Variants in DHX9 observed in about 807,000 individuals in gnomAD.
The protein encoded by DHX9 is ATP-dependent RNA helicase A.
In DHX9, 27 loss-of-function variants were observed where a neutral mutation model predicts 148.7. The ratio of observed to expected loss-of-function variants is 0.18; its 90% CI spans 0.13 to 0.25. The LOEUF is 0.25. DHX9 is among the 10% of genes least tolerant of loss of function. DHX9 has a pLI of 1.00. For synonymous variants in DHX9, 529 were observed against 516.6 expected (o/e 1.02, Z -0.33); for missense variants, 796 against 1,559.6 (o/e 0.51, Z 8.25).
intron 3 of DHX9, among the ~76,000 whole-genome samples, chr1:182,845,443 C>A (rs1442456691): frequency 1.5e-4 from 22 of 142,456 alleles, no homozygotes; most frequent in African/African-American, 4.9e-4. Context: ...AAAAAAAAAA[C>A]AATTTTCCTC....
At chr1:182,871,824 G>A (rs756597709) in intron 14 of DHX9, among the ~76,000 whole-genome samples, 22 of 152,126 alleles carry the variant, frequency 1.4e-4, no homozygotes, top group Non-Finnish European at 2.4e-4. Flanking sequence ...CGGCCGAGGC[G>A]GGTGGATCAC....
chr1:182,866,036 G>A (rs758340981), intron 12 of DHX9, among the ~76,000 whole-genome samples: 5 of 152,212 alleles, frequency 3.3e-5, no homozygotes, highest in Non-Finnish European at 5.9e-5. Flanking sequence ...TAATAAGTGA[G>A]CAGAAAGGTG....
intron 14 of DHX9, among the ~76,000 whole-genome samples, chr1:182,870,148 G>C (rs1238495784): frequency 6.6e-6 from 1 of 152,154 alleles, no homozygotes; most frequent in East Asian, 1.9e-4. Flanking sequence ...AAACATGCAA[G>C]ATCTCTCCAA....
chr1:182,869,719 C>T (rs1483513009), intron 14 of DHX9, among the ~76,000 whole-genome samples: 1 of 152,236 alleles, frequency 6.6e-6, no homozygotes, highest in Non-Finnish European at 1.5e-5. Context: ...AGGCGATTCT[C>T]CTACGAGTAG....
At chr1:182,840,299 CTTTT>C (rs572795237) in intron 1 of DHX9, among the ~76,000 whole-genome samples, 4 of 105,548 alleles carry the variant, frequency 3.8e-5, no homozygotes, top group Admixed American at 1.0e-4. Flanking sequence ...ATTCTTGCGC[CTTTT>C]TTTTTTTTTT....
In DHX9 at chr1:182,848,112, A is replaced by G. The variant is rs115067856; in HGVS notation, c.253-4121A>G. ...TAAGCCCTCATCTTTCTGCCTCAAA[A>G]CTTCTATACCTGAAGGACTCTTCCC... On this transcript the variant is annotated intron_variant, in intron 3 of 27. Coordinates refer to ENST00000367549, the MANE Select transcript of DHX9 (RefSeq NM_001357.5). 5.2e-3 allele frequency among the ~76,000 whole-genome samples: 794 copies of G among 152,186 alleles called. 3 individuals carry two copies. Among genetic ancestry groups the G allele is most frequent in the African/African-American group, 0.017 (726 of 41,494 alleles).
intron 1 of DHX9, 172 bp downstream of exon 1, chr1:182,839,628 C>T (rs2102582746): frequency 6.6e-6 from 1 of 152,338 alleles, no homozygotes; most frequent in Non-Finnish European, 1.5e-5. Context: ...GCGTGCGCGC[C>T]TCGCCGCGAT....
chr1:182,855,694 T>A (rs1465071708), intron 6 of DHX9: 2 of 985,300 alleles, frequency 2.0e-6, no homozygotes, highest in East Asian at 1.1e-4. Flanking sequence ...CTTTGACCCC[T>A]GAAGCCGCTG....
intron 7 of DHX9, 112 bp from the exon 8 acceptor site, chr1:182,857,992 T>C: frequency 9.3e-7 from 1 of 1,076,844 alleles, no homozygotes; most frequent in Non-Finnish European, 1.3e-6. Context: ...AGCCATGGCA[T>C]ACCCTGTATT....
Position 182,887,204 on chromosome 1 carries a change from G to A in DHX9, c.3583G>A (p.Gly1195Ser), listed in dbSNP as rs1343906435. 6.2e-7 allele frequency: 1 copy of A among 1,607,866 alleles called. No homozygotes were observed. The highest frequency in any genetic ancestry group is 1.1e-5 in the South Asian group (1 of 91,064). ...YGGGYSSGGY[G>S]SGGYGGSANS... ...CGGTGGCTATAGCAGTGGAGGCTATGGTAGCGGAGGCTATGGTGGCAGCGC... is the reference window on the plus strand; with the variant it reads ...CGGTGGCTATAGCAGTGGAGGCTATAGTAGCGGAGGCTATGGTGGCAGCGC... The change falls in exon 28 of 28, where the codon GGT becomes AGT. Residue 1195 changes from glycine (G) to serine (S), a missense_variant. Around this residue, in one of 14 missense-constraint regions of DHX9, gnomAD observed 98 missense variants for 105.5 expected, o/e 0.93. Coordinates refer to ENST00000367549, the MANE Select transcript of DHX9 (RefSeq NM_001357.5).
At chr1:182,859,709 T>C (rs1461032150) in intron 11 of DHX9, among the ~76,000 whole-genome samples, 1 of 152,064 alleles carries the variant, frequency 6.6e-6, no homozygotes, top group Non-Finnish European at 1.5e-5. Flanking sequence ...GCCTCCTTGG[T>C]TCAAGCAATT....
chr1:182,853,570 G>A, intron 5 of DHX9, 152 bp downstream of exon 5: 1 of 564,212 alleles, frequency 1.8e-6, no homozygotes, highest in Non-Finnish European at 3.1e-6. Context: ...TCATCATAAA[G>A]CTAAACTACC....
chr1:182,876,521 G>A lies in DHX9; in HGVS notation c.2104G>A (p.Val702Ile), dbSNP rs1337561614. Residue 702 changes from valine to isoleucine, a missense_variant, in exon 18 of 28, where the codon GTA becomes ATA. Coordinates refer to ENST00000367549, the MANE Select transcript of DHX9 (RefSeq NM_001357.5). ...REEQRKVFDPVPVGVTKVILS... is the reference protein window; with the variant it reads ...REEQRKVFDPIPVGVTKVILS... ...GGAACAGCGCAAAGTGTTTGATCCA[G>A]TACCAGTTGGAGTAACCAAGGTAAA... The A allele has an allele frequency of 6.2e-7, 1 of 1,612,158 alleles. No homozygotes were observed. Among genetic ancestry groups the A allele is most frequent in the Admixed American group, 1.7e-5 (1 of 60,010 alleles).
At chr1:182,874,142 C>T (rs1437844327) in intron 15 of DHX9, among the ~76,000 whole-genome samples, 2 of 152,086 alleles carry the variant, frequency 1.3e-5, no homozygotes, top group Non-Finnish European at 2.9e-5. Context: ...ATTTTTCAAA[C>T]AAGTGGGCCT....
At chr1:182,873,999 A>G (rs78947916) in intron 15 of DHX9, among the ~76,000 whole-genome samples, 3,303 of 152,336 alleles carry the variant, frequency 0.022, 51 homozygotes, top group Non-Finnish European at 0.032. Context: ...AAAAAATAAC[A>G]TGGTATTAGA....
intron 15 of DHX9, among the ~76,000 whole-genome samples, chr1:182,873,761 C>A (rs1648650606): frequency 6.6e-6 from 1 of 152,120 alleles, no homozygotes; most frequent in African/African-American, 2.4e-5. Flanking sequence ...TAGGGATATG[C>A]CCCACATTCA....
At chr1:182,866,761 G>A (rs986459729) in intron 13 of DHX9, among the ~76,000 whole-genome samples, 176 bp downstream of exon 13, 3 of 152,082 alleles carry the variant, frequency 2.0e-5, no homozygotes, top group African/African-American at 7.2e-5. Context: ...ATTAGATCTT[G>A]TAGCTTAGAG....
rs759671190 is a variant in DHX9 at position 182,853,322 on chromosome 1, A to C, written c.381A>C (p.Val127=). 6.2e-7 allele frequency: 1 copy of C among 1,612,860 alleles called. No individual in the cohort carries two copies. Among genetic ancestry groups the C allele is most frequent in the South Asian group, 1.1e-5 (1 of 90,944 alleles). ...TTTTAACAGAAAATAATTCTGAGGT[A>C]GGGGCCTCTGGCTATGGTGTTCCTG... ...LALKAENNSE[V]GASGYGVPGP... is the part of the protein sequence containing the mutation. Residue 127 remains valine (V), a synonymous_variant, in exon 5 of 28, where the codon GTA becomes GTC. Transcript: ENST00000367549.
Position 182,883,610 on chromosome 1 carries a change from G to C in DHX9, c.3235G>C (p.Gly1079Arg). Residue 1079 changes from glycine (G) to arginine (R), a missense_variant, in exon 26 of 28, where the codon GGG (glycine) becomes CGG (arginine). Gly to Arg is a moderately radical substitution (Grantham distance 125, BLOSUM62 -2). Coordinates refer to ENST00000367549, the MANE Select transcript of DHX9 (RefSeq NM_001357.5). ...LFASKKVQSD[G>R]QIVLVDDWIK... ...TGCCTCCAAGAAAGTCCAATCTGAT[G>C]GGCAGATTGTGCTTGTAGATGACTG... is the stretch of plus-strand genomic sequence containing the variant. The C allele has an allele frequency of 6.2e-7, 1 of 1,613,368 alleles. No homozygotes were observed. Among genetic ancestry groups the C allele is most frequent in the Non-Finnish European group, 8.5e-7 (1 of 1,179,444 alleles).
Sources: gnomAD v4.1 joint callset for allele counts (sites outside exome capture counted in the v4.1 genomes callset) on GRCh38, gnomAD v4.1.1 for gene constraint, gnomAD v4.1.1 regional missense constraint, MANE v1.5 for transcripts, NCBI Gene and HGNC (gene_info 2026-07-23, HGNC 2026-07-21) for gene names.